The following ADK variants were observed in gnomAD, a reference collection of about 807,000 sequenced individuals.
ADK encodes adenosine kinase, also known as N6,N6-dimethyladenosine kinase.
ADK carries 24 observed loss-of-function variants against 44.7 expected under a neutral mutation model. The ratio of observed to expected loss-of-function variants is 0.54; its 90% confidence interval spans 0.39 to 0.76. ADK has a LOEUF of 0.76. Ranked by LOEUF, ADK falls within the 30% of genes least tolerant of loss-of-function variation. ADK has a pLI of 0.00. For synonymous variants in ADK, 128 were observed against 142.6 expected (o/e 0.90, Z 0.73); for missense variants, 321 against 425.1 (o/e 0.76, Z 2.15).
intron 1 of ADK, among the ~76,000 whole-genome samples, chr10:74,178,265 C>T (rs2132073833): frequency 6.6e-6 from 1 of 152,236 alleles, no homozygotes; most frequent in South Asian, 2.1e-4. Context: ...TCTGTACTAA[C>T]ATAGACAAAG....
chr10:74,547,475 T>C (rs1213953636), intron 7 of ADK, among the ~76,000 whole-genome samples: 20 of 137,286 alleles, frequency 1.5e-4, no homozygotes, highest in African/African-American at 5.2e-4. Context: ...TATTTATTTT[T>C]ATTTTATTAT....
chr10:74,687,664 A>C lies in ADK; in HGVS notation c.964+17395A>C, dbSNP rs530275163. 4.6e-5 allele frequency among the ~76,000 whole-genome samples: 7 copies of C among 152,326 alleles called. No homozygotes were observed. The East Asian group carries it at 1.3e-3, about 29-fold the overall frequency. ...ACGTGATCCATCTATCATACAATAC[A>C]TGGAACATCAAACAGCTTGTATCTC... On this transcript the variant is annotated intron_variant, in intron 10 of 10. Transcript: ENST00000539909.
chr10:74,338,399 C>A (rs1432984182), intron 4 of ADK, among the ~76,000 whole-genome samples: 1 of 152,124 alleles, frequency 6.6e-6, no homozygotes, highest in Non-Finnish European at 1.5e-5. Context: ...TATGACTCAG[C>A]AATCATATTC....
At chr10:74,574,637 C>G (rs372326747) in intron 7 of ADK, among the ~76,000 whole-genome samples, 59 of 152,150 alleles carry the variant, frequency 3.9e-4, no homozygotes, top group African/African-American at 1.3e-3. Flanking sequence ...AATCTCTTTC[C>G]CTGATTTTGT....
intron 6 of ADK, among the ~76,000 whole-genome samples, chr10:74,474,915 C>T (rs982665807): frequency 6.6e-6 from 1 of 152,158 alleles, no homozygotes; most frequent in Non-Finnish European, 1.5e-5. Flanking sequence ...ATCATGAGGT[C>T]AGGAGATCGA....
chr10:74,554,376 A>G (rs1006616518), intron 7 of ADK, among the ~76,000 whole-genome samples: 8 of 152,152 alleles, frequency 5.3e-5, no homozygotes, highest in African/African-American at 1.9e-4. Context: ...TATCCCTTAT[A>G]TATGTAGTCC....
At chr10:74,559,712 A>G (rs1032122245) in intron 7 of ADK, among the ~76,000 whole-genome samples, 1 of 152,152 alleles carries the variant, frequency 6.6e-6, no homozygotes, top group African/African-American at 2.4e-5. Flanking sequence ...TATTGTTTCA[A>G]TTTGCAGTTT....
At chr10:74,434,926 T>C (rs897474636) in intron 6 of ADK, among the ~76,000 whole-genome samples, 20 of 152,210 alleles carry the variant, frequency 1.3e-4, no homozygotes, top group Admixed American at 3.9e-4. Flanking sequence ...GCACCTGTGG[T>C]GAGTTGTTTA....
chr10:74,606,156 G>A (rs1271545067), intron 9 of ADK, among the ~76,000 whole-genome samples: 1 of 151,962 alleles, frequency 6.6e-6, no homozygotes, highest in Non-Finnish European at 1.5e-5. Context: ...AGTCTAGCTA[G>A]CAGTCTATCT....
chr10:74,323,142 C>G (rs1209223507), intron 4 of ADK, among the ~76,000 whole-genome samples: 1 of 152,150 alleles, frequency 6.6e-6, no homozygotes, highest in Non-Finnish European at 1.5e-5. Flanking sequence ...GCAGTGGGAC[C>G]TAATTTCATC....
intron 1 of ADK, among the ~76,000 whole-genome samples, chr10:74,165,302 T>C (rs754199454): frequency 7.9e-5 from 12 of 152,016 alleles, no homozygotes; most frequent in Non-Finnish European, 1.5e-4. Context: ...ATTTGGGTTG[T>C]ACAGTTGAGG....
chr10:74,282,971 A>G (rs1847006295), intron 3 of ADK, among the ~76,000 whole-genome samples: 1 of 152,156 alleles, frequency 6.6e-6, no homozygotes, highest in African/African-American at 2.4e-5. Flanking sequence ...GTAGGTTCTG[A>G]TTTACTGACG....
intron 6 of ADK, among the ~76,000 whole-genome samples, chr10:74,415,113 C>G (rs1012258758): frequency 6.6e-6 from 1 of 152,130 alleles, no homozygotes; most frequent in African/African-American, 2.4e-5. Context: ...GTAACAAAGT[C>G]TGGGAATTTT....
At chr10:74,578,405 T>C (rs1271725065) in intron 7 of ADK, among the ~76,000 whole-genome samples, 2 of 152,202 alleles carry the variant, frequency 1.3e-5, no homozygotes, top group South Asian at 2.1e-4. Context: ...TTTACTTATC[T>C]TAAGGCTAAC....
intron 4 of ADK, among the ~76,000 whole-genome samples, chr10:74,369,199 T>C (rs1842585208): frequency 6.6e-6 from 1 of 151,992 alleles, no homozygotes; most frequent in Non-Finnish European, 1.5e-5. Flanking sequence ...CTACAAAAAT[T>C]ACAAATATTA....
chr10:74,236,030 G>A (rs146126829), intron 3 of ADK, among the ~76,000 whole-genome samples: 1 of 152,224 alleles, frequency 6.6e-6, no homozygotes, highest in Non-Finnish European at 1.5e-5. Context: ...ACATATTAAT[G>A]TTTCTTTCCT....
intron 9 of ADK, among the ~76,000 whole-genome samples, chr10:74,654,429 T>A (rs1184876746): frequency 6.6e-6 from 1 of 152,252 alleles, no homozygotes; most frequent in Non-Finnish European, 1.5e-5. Context: ...CATACAGATA[T>A]TACTTGAATT....
intron 7 of ADK, chr10:74,528,194 T>C: frequency 1.7e-6 from 1 of 603,510 alleles, no homozygotes; most frequent in African/African-American, 1.9e-5. Flanking sequence ...TGTATCTTTG[T>C]GTACATATCT....
chr10:74,622,604 T>G (rs1236801261), intron 9 of ADK, among the ~76,000 whole-genome samples: 1 of 152,106 alleles, frequency 6.6e-6, no homozygotes, highest in Non-Finnish European at 1.5e-5. Flanking sequence ...AGGAATACTG[T>G]TTTTAGGAAT....
Sources: allele counts gnomAD v4.1 joint callset (sites outside exome capture counted in the v4.1 genomes callset), GRCh38; gene constraint gnomAD v4.1.1; transcripts MANE v1.5; gene names NCBI Gene and HGNC (gene_info 2026-07-23, HGNC 2026-07-21).